GALNTL6: variants seen among roughly 807,000 people sequenced by gnomAD.
GALNTL6 encodes polypeptide N-acetylgalactosaminyltransferase like 6, also known as polypeptide N-acetylgalactosaminyltransferase-like 6.
A neutral mutation model predicts 73.7 loss-of-function variants in GALNTL6; 46 were observed. That is an observed-to-expected ratio of 0.62 (90% confidence interval 0.49 to 0.80). GALNTL6 has a LOEUF of 0.80. Among genes scored for constraint, GALNTL6 ranks in the 30% least tolerant of loss-of-function variants. GALNTL6 has a pLI of 0.00. For missense variants in GALNTL6, 604 were observed against 755.0 expected, an observed-to-expected ratio of 0.80 and a Z score of 2.34; for synonymous variants, 259 against 263.7, an observed-to-expected ratio of 0.98 and a Z score of 0.17.
intron 2 of GALNTL6, among the ~76,000 whole-genome samples, chr4:171,823,860 G>A (rs1188005127): frequency 6.6e-6 from 1 of 150,608 alleles, no homozygotes; most frequent in African/African-American, 2.4e-5. Flanking sequence ...GGGATAGATG[G>A]GTGGGTGGTG....
intron 7 of GALNTL6, among the ~76,000 whole-genome samples, chr4:172,876,808 G>C (rs1745220077): frequency 1.3e-5 from 2 of 152,138 alleles, no homozygotes. Context: ...TTTAAAAAGA[G>C]TGTTTTAACC....
intron 5 of GALNTL6, among the ~76,000 whole-genome samples, chr4:172,627,994 A>G (rs983121425): frequency 1.6e-4 from 24 of 152,044 alleles, no homozygotes; most frequent in African/African-American, 5.5e-4. Flanking sequence ...CGGGGTCTCA[A>G]TTTCTCTCAG....
intron 2 of GALNTL6, among the ~76,000 whole-genome samples, chr4:172,227,851 C>T (rs1736921381): frequency 6.6e-6 from 1 of 151,962 alleles, no homozygotes. Context: ...ATAGAGTGTC[C>T]CTGGTATTCA....
intron 2 of GALNTL6, among the ~76,000 whole-genome samples, chr4:171,826,166 T>A (rs1734819269): frequency 6.6e-6 from 1 of 152,180 alleles, no homozygotes. Flanking sequence ...CTTCTTTCTC[T>A]CTTCAAATCT....
intron 9 of GALNTL6, among the ~76,000 whole-genome samples, chr4:172,949,738 T>C (rs1242562557): frequency 1.3e-5 from 2 of 151,606 alleles, no homozygotes; most frequent in African/African-American, 4.8e-5. Context: ...TGAAACCCCA[T>C]CTCTACTAAA....
chr4:172,259,492 G>T (rs1389099753), intron 3 of GALNTL6, among the ~76,000 whole-genome samples: 1 of 147,876 alleles, frequency 6.8e-6, no homozygotes, highest in Non-Finnish European at 1.5e-5. Context: ...GGAGTGTTTT[G>T]TAGATTCTGG....
intron 2 of GALNTL6, among the ~76,000 whole-genome samples, chr4:172,151,524 A>G (rs1450918743): frequency 6.6e-6 from 1 of 152,234 alleles, no homozygotes; most frequent in East Asian, 1.9e-4. Flanking sequence ...TCAGTATTGT[A>G]GGTCCCTTAG....
chr4:172,116,523 C>A (rs930884796), intron 2 of GALNTL6, among the ~76,000 whole-genome samples: 1 of 152,086 alleles, frequency 6.6e-6, no homozygotes, highest in Non-Finnish European at 1.5e-5. Flanking sequence ...ACCCACCTCA[C>A]CTTCCCGAAG....
intron 5 of GALNTL6, among the ~76,000 whole-genome samples, chr4:172,428,046 A>G (rs1199400151): frequency 6.6e-6 from 1 of 152,154 alleles, no homozygotes; most frequent in Non-Finnish European, 1.5e-5. Flanking sequence ...TTATTAAAGA[A>G]GTTGAGAAAG....
chr4:172,803,436 G>A (rs1579503228), intron 5 of GALNTL6, among the ~76,000 whole-genome samples: 1 of 152,150 alleles, frequency 6.6e-6, no homozygotes, highest in East Asian at 1.9e-4. Context: ...GTCTCATCCC[G>A]AAACCATCCC....
At chr4:172,457,601 CA>C (rs1385155869) in intron 5 of GALNTL6, among the ~76,000 whole-genome samples, 1 of 152,040 alleles carries the variant, frequency 6.6e-6, no homozygotes, top group Non-Finnish European at 1.5e-5. Flanking sequence ...CAACAAAGAT[CA>C]AAAGAGACAA....
At chr4:172,828,736 G>A (rs547120062) in intron 7 of GALNTL6, among the ~76,000 whole-genome samples, 21 of 152,292 alleles carry the variant, frequency 1.4e-4, no homozygotes, top group Non-Finnish European at 2.4e-4. Context: ...AAGATTCAAT[G>A]GATGAACCAA....
intron 2 of GALNTL6, among the ~76,000 whole-genome samples, chr4:171,917,715 T>G (rs1489307530): frequency 6.6e-6 from 1 of 152,102 alleles, no homozygotes; most frequent in Non-Finnish European, 1.5e-5. Context: ...ATTTCTAAGT[T>G]TACTAGCATG....
At chr4:171,935,385 G>A (rs952431983) in intron 2 of GALNTL6, among the ~76,000 whole-genome samples, 2 of 152,178 alleles carry the variant, frequency 1.3e-5, no homozygotes, top group African/African-American at 4.8e-5. Flanking sequence ...CAGACTATTT[G>A]TAGCCTGATA....
intron 7 of GALNTL6, among the ~76,000 whole-genome samples, chr4:172,824,329 G>A (rs927114007): frequency 2.0e-5 from 3 of 151,662 alleles, no homozygotes; most frequent in Non-Finnish European, 4.4e-5. Context: ...TGGCCACAAG[G>A]GCTTTCAGTC....
chr4:172,933,500 T>C (rs1748459552), intron 9 of GALNTL6, among the ~76,000 whole-genome samples: 1 of 152,146 alleles, frequency 6.6e-6, no homozygotes, highest in Non-Finnish European at 1.5e-5. Context: ...CTGAAAAAAG[T>C]CCATAATTCT....
At chr4:172,636,181 T>C (rs966335557) in intron 5 of GALNTL6, among the ~76,000 whole-genome samples, 17 of 152,204 alleles carry the variant, frequency 1.1e-4, no homozygotes, top group African/African-American at 4.1e-4. Flanking sequence ...GAAATTACCC[T>C]ATTGTTGGAA....
intron 10 of GALNTL6, among the ~76,000 whole-genome samples, chr4:172,977,586 A>C (rs1444845163): frequency 2.0e-5 from 3 of 152,214 alleles, no homozygotes; most frequent in Admixed American, 2.0e-4. Flanking sequence ...ATATTTGGAA[A>C]GTTTGGTGCA....
At chr4:172,393,019 A>G (rs1251068340) in intron 5 of GALNTL6, among the ~76,000 whole-genome samples, 1 of 152,164 alleles carries the variant, frequency 6.6e-6, no homozygotes, top group East Asian at 1.9e-4. Flanking sequence ...CCTATTGTGA[A>G]CTGTGCATGC....
Sources: gnomAD v4.1 joint callset for allele counts (sites outside exome capture counted in the v4.1 genomes callset) on GRCh38, gnomAD v4.1.1 for gene constraint, MANE v1.5 for transcripts, NCBI Gene and HGNC (gene_info 2026-07-23, HGNC 2026-07-21) for gene names.